AP2A1: variants seen among roughly 807,000 people sequenced by gnomAD.
AP2A1 encodes AP-2 complex subunit alpha-1.
In AP2A1, 21 loss-of-function variants were observed where a neutral mutation model predicts 107.3. The ratio of observed to expected loss-of-function variants is 0.20; its 90% CI spans 0.14 to 0.28. AP2A1 has a LOEUF of 0.28. Ranked by LOEUF, AP2A1 falls within the 10% of genes least tolerant of loss-of-function variation. AP2A1 has a pLI of 1.00. For synonymous variants in AP2A1, 602 were observed against 564.8 expected (o/e 1.07, Z -0.93); for missense variants, 873 against 1,307.7 (o/e 0.67, Z 5.13).
At chr19:49,797,336 G>A (rs1312616851) in intron 7 of AP2A1, 1 of 152,160 alleles carries the variant, frequency 6.6e-6, no homozygotes, top group African/African-American at 2.4e-5. Context: ...TTCATTACTT[G>A]GACTTCACAT....
At chr19:49,806,283 G>C in intron 22 of AP2A1, 30 bp downstream of exon 22, 1 of 1,568,810 alleles carries the variant, frequency 6.4e-7, no homozygotes, top group Non-Finnish European at 8.6e-7. Context: ...GCCTGAGGCC[G>C]GCAGGAAGGC....
In AP2A1 at chr19:49,798,851, C is replaced by T. The variant is rs781099570; in HGVS notation, c.864C>T (p.Leu288=). 8.7e-6 allele frequency: 14 copies of T among 1,600,796 alleles called. No homozygotes were observed. Among genetic ancestry groups the T allele is most frequent in the South Asian group, 4.5e-5 (4 of 88,598 alleles). The stretch of plus-strand genomic sequence containing the variant: ...TGGTGGAATGTCTGGAGACTGTGCT[C>T]AACAAGGCCCAGGAGCCCCCCAAAT... ...GRLVECLETV[L]NKAQEPPKSK... Residue 288 remains leucine, a synonymous_variant, in exon 8 of 23, where the codon CTC becomes CTT. Transcript: ENST00000354293.
At position 49,805,877 on chromosome 19, in the gene AP2A1, A is replaced by G; in HGVS notation, c.2591A>G (p.Gln864Arg). ...FQRWKQLSLP[Q>R]QEAQKIFKAN... ...TGAACCTTCCCGGTCCCCAGCCCTC[A>G]ACAGGAGGCGCAGAAAATCTTCAAA... The change falls in exon 21 of 23, where the codon CAA (glutamine) becomes CGA (arginine). Residue 864 changes from glutamine (Q) to arginine (R), a missense_variant. Physicochemically the swap from Gln to Arg is conservative, Grantham distance 43. Transcript: ENST00000354293. 6.2e-7 allele frequency: 1 copy of G among 1,613,786 alleles called. No homozygotes were observed. The highest frequency in any genetic ancestry group is 1.1e-5 in the South Asian group (1 of 91,088).
At chr19:49,768,172 C>T (rs1051665559) in intron 1 of AP2A1, among the ~76,000 whole-genome samples, 1 of 152,038 alleles carries the variant, frequency 6.6e-6, no homozygotes, top group Non-Finnish European at 1.5e-5. Context: ...GATCTGAGCC[C>T]TTTTCTATTT....
chr19:49,787,093 G>A (rs550491804), intron 4 of AP2A1, among the ~76,000 whole-genome samples: 1 of 152,140 alleles, frequency 6.6e-6, no homozygotes, highest in Admixed American at 6.5e-5. Context: ...TGCAACCTCC[G>A]ACTCCTGGGC....
intron 22 of AP2A1, 190 bp from the exon 23 acceptor site, chr19:49,806,491 C>T: frequency 1.4e-6 from 2 of 1,445,042 alleles, no homozygotes; most frequent in Admixed American, 2.8e-5. Flanking sequence ...ATCCTTTCCA[C>T]CTTTCTCTCA....
intron 18 of AP2A1, chr19:49,803,643 C>G (rs902173839): frequency 6.1e-6 from 3 of 495,180 alleles, no homozygotes; most frequent in Non-Finnish European, 1.1e-5. Flanking sequence ...TGGCACCTTC[C>G]GTGTCCTGCC....
Position 49,785,388 on chromosome 19 carries a change from ATG to A in AP2A1, c.473+2665_473+2666del, listed in dbSNP as rs1260988765. 6.6e-6 allele frequency among the ~76,000 whole-genome samples: 1 copy of A among 152,088 alleles called. No individual in the cohort carries two copies. Among genetic ancestry groups the A allele is most frequent in the Non-Finnish European group, 1.5e-5 (1 of 68,012 alleles). On this transcript the variant is annotated intron_variant, in intron 4 of 22. Coordinates refer to ENST00000354293, the MANE Select transcript of AP2A1 (RefSeq NM_130787.3). This position sits in a 1 kb window ranked among gnomAD's most constrained non-coding sequence, Gnocchi z 4.1. ...GATGGATTATATGTGCTGTGCTAGG[ATG>A]AGGTGGGGACATTGAACAGGTGAGT...
chr19:49,807,087 T>A lies in AP2A1; in HGVS notation c.*329T>A. 17 of 1,603,326 alleles carry A rather than the reference T, an allele frequency of 1.1e-5. No homozygotes were observed. Among genetic ancestry groups the A allele is most frequent in the Non-Finnish European group, 1.4e-5 (17 of 1,177,730 alleles). ...CCCATCCAGGGGCTGTGTATTATTG[T>A]GAGCGAATAAACAGAGAGACGCTAA... On this transcript the variant is annotated 3_prime_UTR_variant, in exon 23 of 23. Coordinates refer to ENST00000354293, the MANE Select transcript of AP2A1 (RefSeq NM_130787.3).
chr19:49,791,989 C>T lies in AP2A1; in HGVS notation c.528C>T (p.Tyr176=). The change falls in exon 5 of 23, where the codon TAC becomes TAT. Residue 176 remains tyrosine, a synonymous_variant. Coordinates refer to ENST00000354293, the MANE Select transcript of AP2A1 (RefSeq NM_130787.3). ...CGGCCCTGTGCCTCCTTCGACTGTA[C>T]AAGGCCTCGCCTGACCTGGTGCCCA... is the stretch of plus-strand genomic sequence containing the variant. The part of the protein sequence containing the change: ...QSAALCLLRL[Y]KASPDLVPMG... The T allele has an allele frequency of 1.2e-6, 2 of 1,612,808 alleles. No homozygotes were observed. Among genetic ancestry groups the T allele is most frequent in the Non-Finnish European group, 1.7e-6 (2 of 1,179,490 alleles).
Position 49,801,970 on chromosome 19 carries a change from G to A in AP2A1, c.1954-11G>A. The A allele has an allele frequency of 1.3e-6, 2 of 1,486,046 alleles. No individual in the cohort carries two copies. Among genetic ancestry groups the A allele is most frequent in the Non-Finnish European group, 1.8e-6 (2 of 1,122,744 alleles). 92.1% of individuals were successfully genotyped at this position (1,486,046 alleles called of 1,614,324 possible). A position where few individuals can be genotyped will look rare whatever the true frequency, so the allele number is the denominator to read the frequency against. On this transcript the variant is annotated splice_polypyrimidine_tract_variant and intron_variant, in intron 14 of 22. Transcript: ENST00000354293. ...GCCGCCTGTCCTCACCGTGACCTGC[G>A]CTTCCTACAGTCGACGCCCTCGCCC...
At chr19:49,771,114 G>T (rs991076110) in intron 1 of AP2A1, among the ~76,000 whole-genome samples, 1 of 151,760 alleles carries the variant, frequency 6.6e-6, no homozygotes, top group Non-Finnish European at 1.5e-5. Flanking sequence ...GCCTTCCAAA[G>T]TGCTAGGATT....
In AP2A1 at chr19:49,800,015, C is replaced by T; in HGVS notation, c.1320C>T (p.Ser440=). ...CCGAGAAGTACGCCGTGGACTACAGCTGGTACGTGGACACCATCCTCAACC... is the reference window on the plus strand; with the variant it reads ...CCGAGAAGTACGCCGTGGACTACAGTTGGTACGTGGACACCATCCTCAACC... ...ILAEKYAVDY[S]WYVDTILNLI... Residue 440 remains serine, a synonymous_variant, in exon 11 of 23, where the codon AGC becomes AGT. Coordinates refer to ENST00000354293, the MANE Select transcript of AP2A1 (RefSeq NM_130787.3). The T allele has an allele frequency of 6.2e-7, 1 of 1,614,052 alleles. No individual in the cohort carries two copies. Among genetic ancestry groups the T allele is most frequent in the Non-Finnish European group, 8.5e-7 (1 of 1,179,880 alleles).
chr19:49,803,744 C>T, intron 18 of AP2A1: 1 of 351,024 alleles, frequency 2.8e-6, no homozygotes, highest in South Asian at 2.4e-5. Context: ...CAGGCCTGAT[C>T]TGGGCTGAGT....
Position 49,803,321 on chromosome 19 carries a change from G to A in AP2A1, c.2289G>A (p.Ser763=), listed in dbSNP as rs375557435. 5.0e-6 allele frequency: 8 copies of A among 1,613,746 alleles called. No homozygotes were observed. The African/African-American group carries it at 8.0e-5, about 16-fold the overall frequency. The change falls in exon 18 of 23, where the codon TCG becomes TCA. Residue 763 remains serine, a synonymous_variant. Transcript: ENST00000354293. The part of the protein sequence containing the change: ...RMYLFYGNKT[S]VQFQNFSPTV... ...ATCTCTTCTATGGCAACAAGACCTC[G>A]GTGCAGTTCCAGAATTTCTCACCCA...
Position 49,799,677 on chromosome 19 carries a change from G to A in AP2A1, c.1183G>A (p.Ala395Thr), listed in dbSNP as rs1363305347. ...GCAGCGGGCGGCTGACCTCCTCTACGCCATGTGTGACCGGAGCAATGCCAA... is the reference window on the plus strand; with the variant it reads ...GCAGCGGGCGGCTGACCTCCTCTACACCATGTGTGACCGGAGCAATGCCAA... ...VRQRAADLLY[A>T]MCDRSNAKQI... Residue 395 changes from alanine (A) to threonine (T), a missense_variant, in exon 10 of 23, where the codon GCC becomes ACC. Physicochemically the swap from Ala to Thr is moderately conservative, Grantham distance 58. Around this residue, in one of 4 missense-constraint regions of AP2A1, gnomAD observed 213 missense variants for 443.5 expected, o/e 0.48. Transcript: ENST00000354293. 2 of 1,612,730 alleles carry A rather than the reference G, an allele frequency of 1.2e-6. No individual in the cohort carries two copies. Among genetic ancestry groups the A allele is most frequent in the East Asian group, 2.2e-5 (1 of 44,876 alleles).
intron 1 of AP2A1, among the ~76,000 whole-genome samples, chr19:49,779,504 A>AAC (rs1192234491): frequency 2.6e-5 from 4 of 151,238 alleles, no homozygotes; most frequent in Non-Finnish European, 4.4e-5. Flanking sequence ...AAAAAAAAAA[A>AAC]AAAAAAACAG....
chr19:49,773,710 G>A (rs1252156400), intron 1 of AP2A1, among the ~76,000 whole-genome samples: 1 of 152,194 alleles, frequency 6.6e-6, no homozygotes, highest in Admixed American at 6.5e-5. Context: ...AGGGCTTGGG[G>A]ATGGAGTTAA....
At chr19:49,772,262 T>TTG in intron 1 of AP2A1, among the ~76,000 whole-genome samples, 1 of 131,584 alleles carries the variant, frequency 7.6e-6, no homozygotes, top group Admixed American at 7.6e-5. Flanking sequence ...TTTTTTTTTT[T>TTG]TTTTTTTTTT....
Sources: gnomAD v4.1 joint callset for allele counts (sites outside exome capture counted in the v4.1 genomes callset) on GRCh38, gnomAD v4.1.1 for gene constraint, gnomAD v4.1.1 regional missense constraint, Gnocchi (gnomAD v3.1) non-coding constraint, MANE v1.5 for transcripts, NCBI Gene and HGNC (gene_info 2026-07-23, HGNC 2026-07-21) for gene names.